Variants in DDAH1 observed in about 807,000 individuals in gnomAD.
The protein encoded by DDAH1 is dimethylarginine dimethylaminohydrolase 1.
Under a neutral mutation model 28.8 loss-of-function variants are expected in DDAH1, and 19 were observed. The ratio of observed to expected loss-of-function variants is 0.66; its 90% CI spans 0.46 to 0.97. The LOEUF (loss-of-function observed/expected upper bound fraction) is 0.97, where lower values mean the gene tolerates loss of function less well. Among genes scored for constraint, DDAH1 ranks in the 50% least tolerant of loss-of-function variants. The probability of loss-of-function intolerance (pLI) is 0.00; values close to 1 mark genes in which losing one functional copy is unlikely to be tolerated. For synonymous variants in DDAH1, 153 were observed against 154.4 expected, an observed-to-expected ratio of 0.99 and a Z score of 0.07; for missense variants, 326 against 375.9, an observed-to-expected ratio of 0.87 and a Z score of 1.10.
rs921443893 is a variant in DDAH1 at position 85,379,526 on chromosome 1, A to G, written c.304-20679T>C. 10 of 937,402 alleles carry G rather than the reference A, an allele frequency of 1.1e-5. No homozygotes were observed. The African/African-American group carries it at 1.8e-4, about 17-fold the overall frequency. The allele number at this position is 937,402 out of a possible 1,614,324, so 58.1% of individuals were successfully genotyped here. A position where few individuals can be genotyped will look rare whatever the true frequency, so the allele number is the denominator to read the frequency against. On this transcript the variant is annotated intron_variant, in intron 1 of 5. Transcript: ENST00000284031. ...ATATTTCCAAAGGCAAATTTCAAAA[A>G]GCTTTTTACCTTTACCATTTCTACA... is the stretch of plus-strand genomic sequence containing the variant.
chr1:85,426,679 G>T (rs1653407276), intron 1 of DDAH1, among the ~76,000 whole-genome samples: 1 of 152,098 alleles, frequency 6.6e-6, no homozygotes, highest in Admixed American at 6.5e-5. Flanking sequence ...AGGTCGAGGT[G>T]GGAGGATGGC....
intron 1 of DDAH1, among the ~76,000 whole-genome samples, chr1:85,404,116 A>T (rs1652287580): frequency 6.6e-6 from 1 of 152,224 alleles, no homozygotes; most frequent in Non-Finnish European, 1.5e-5. Context: ...AGCCCATACG[A>T]AAGAAAAAAA....
chr1:85,478,508 G>A (rs911098833), intron 2 of DDAH1, among the ~76,000 whole-genome samples: 1 of 151,898 alleles, frequency 6.6e-6, no homozygotes, highest in African/African-American at 2.4e-5. Flanking sequence ...GCTTGTGCAG[G>A]GGAACTCCCA....
chr1:85,469,675 CAGG>C (rs1468140838), upstream of DDAH1, among the ~76,000 whole-genome samples: 3 of 152,254 alleles, frequency 2.0e-5, no homozygotes, highest in East Asian at 5.8e-4. Flanking sequence ...GTATGCTTTC[CAGG>C]AGAATTTGTG....
intron 4 of DDAH1, among the ~76,000 whole-genome samples, chr1:85,326,852 C>T (rs1452943327): frequency 1.3e-5 from 2 of 152,086 alleles, no homozygotes; most frequent in African/African-American, 4.8e-5. Flanking sequence ...TAGATCTAAT[C>T]CAACATGTGG....
chr1:85,350,303 G>C, intron 4 of DDAH1, 112 bp downstream of exon 4: 3 of 1,387,130 alleles, frequency 2.2e-6, no homozygotes, highest in Non-Finnish European at 2.0e-6. Flanking sequence ...TCAAATACCT[G>C]CCTGTTCTCT....
intron 1 of DDAH1, among the ~76,000 whole-genome samples, chr1:85,377,738 A>G (rs1157421641): frequency 7.0e-6 from 1 of 143,612 alleles, no homozygotes; most frequent in East Asian, 2.1e-4. Flanking sequence ...AAGTAGACAC[A>G]CACACACATT....
At chr1:85,388,262 T>C (rs1445698193) in intron 1 of DDAH1, among the ~76,000 whole-genome samples, 2 of 152,202 alleles carry the variant, frequency 1.3e-5, no homozygotes, top group Non-Finnish European at 2.9e-5. Flanking sequence ...AATGAAATAA[T>C]ACATATAAAC....
At chr1:85,337,418 T>C (rs1648203114) in intron 4 of DDAH1, among the ~76,000 whole-genome samples, 1 of 152,212 alleles carries the variant, frequency 6.6e-6, no homozygotes, top group Admixed American at 6.5e-5. Context: ...TTTAAAACTG[T>C]AATTTTATTG....
chr1:85,417,925 C>T (rs937468291), intron 1 of DDAH1, among the ~76,000 whole-genome samples: 1 of 152,216 alleles, frequency 6.6e-6, no homozygotes, highest in African/African-American at 2.4e-5. Context: ...ATAATTATTA[C>T]ATATATTTAC....
chr1:85,387,319 C>G (rs1184065221), intron 1 of DDAH1, among the ~76,000 whole-genome samples: 6 of 152,156 alleles, frequency 3.9e-5, no homozygotes, highest in Non-Finnish European at 8.8e-5. Flanking sequence ...CATTCCTTTG[C>G]TCCCATATCT....
At chr1:85,367,329 T>C (rs1173410665) in intron 1 of DDAH1, among the ~76,000 whole-genome samples, 1 of 152,164 alleles carries the variant, frequency 6.6e-6, no homozygotes, top group Non-Finnish European at 1.5e-5. Flanking sequence ...TTCCCTGAAG[T>C]CCTGTTCTAG....
exon 1 of DDAH1, chr1:85,578,054 C>A: frequency 7.1e-6 from 7 of 982,092 alleles, no homozygotes; most frequent in Non-Finnish European, 8.5e-6. Flanking sequence ...GCGGAGGCGG[C>A]GAGAAGGCGA....
intron 3 of DDAH1, among the ~76,000 whole-genome samples, chr1:85,351,164 G>T (rs1649177534): frequency 1.3e-5 from 2 of 151,602 alleles, no homozygotes. Context: ...CCAAAGTGCT[G>T]GGATTATAGG....
Position 85,329,073 on chromosome 1 carries a change from G to A in DDAH1, c.598-4190C>T, listed in dbSNP as rs925352180. Among the ~76,000 whole-genome samples the A allele has an allele frequency of 4.6e-5, 7 of 152,182 alleles. No homozygotes were observed. The South Asian group carries it at 8.3e-4, about 18-fold the overall frequency. On this transcript the variant is annotated intron_variant, in intron 4 of 5. Transcript: ENST00000284031. The stretch of plus-strand genomic sequence containing the variant: ...CCTGACTTTATTCACTGGATCTAGC[G>A]GTCTGGGCAAATTCCCCACCTCTCA...
chr1:85,473,300 T>C (rs1258604606), intron 2 of DDAH1, among the ~76,000 whole-genome samples: 1 of 152,168 alleles, frequency 6.6e-6, no homozygotes, highest in Non-Finnish European at 1.5e-5. Context: ...TTTTTTCAGT[T>C]TTTCAGAGCT....
chr1:85,332,739 A>G (rs1038522088), intron 4 of DDAH1, among the ~76,000 whole-genome samples: 1 of 152,162 alleles, frequency 6.6e-6, no homozygotes, highest in African/African-American at 2.4e-5. Context: ...CTGAAACCCA[A>G]GCATGCTGTC....
intron 1 of DDAH1, among the ~76,000 whole-genome samples, chr1:85,383,482 GA>G (rs1449711687): frequency 6.6e-6 from 1 of 152,198 alleles, no homozygotes; most frequent in African/African-American, 2.4e-5. Flanking sequence ...AAGATGCTGT[GA>G]AACATTGTTG....
intron 1 of DDAH1, among the ~76,000 whole-genome samples, chr1:85,419,907 T>C (rs1271110204): frequency 3.3e-5 from 5 of 152,244 alleles, no homozygotes; most frequent in African/African-American, 1.2e-4. Flanking sequence ...TCCCTCAAGT[T>C]GCATTTCCTT....
Sources: allele counts gnomAD v4.1 joint callset (sites outside exome capture counted in the v4.1 genomes callset), GRCh38; gene constraint gnomAD v4.1.1; transcripts MANE v1.5; gene names NCBI Gene and HGNC (gene_info 2026-07-23, HGNC 2026-07-21).